NOP58: variants seen among roughly 807,000 people sequenced by gnomAD.
NOP58 encodes the protein NOP58 ribonucleoprotein, also known as nucleolar protein 58.
NOP58 carries 44 observed loss-of-function variants against 71.2 expected under a neutral mutation model. That is an observed-to-expected ratio of 0.62 (90% CI 0.49 to 0.79). The LOEUF is 0.79. NOP58 is among the 30% of genes least tolerant of loss of function. The pLI, the probability that NOP58 is intolerant of heterozygous loss-of-function variation, is 0.00. For synonymous variants in NOP58, 228 were observed against 200.3 expected, an observed-to-expected ratio of 1.14 and a Z score of -1.17; for missense variants, 538 against 620.2, an observed-to-expected ratio of 0.87 and a Z score of 1.41.
intron 2 of NOP58, among the ~76,000 whole-genome samples, chr2:202,277,061 G>A (rs1688606891): frequency 6.6e-6 from 1 of 152,222 alleles, no homozygotes; most frequent in East Asian, 1.9e-4. Flanking sequence ...GCCAAGGCGG[G>A]CGGATGATGA....
chr2:202,272,961 C>T (rs1374877581), intron 1 of NOP58, among the ~76,000 whole-genome samples: 2 of 152,018 alleles, frequency 1.3e-5, no homozygotes, highest in Admixed American at 6.6e-5. Context: ...GGTGAAACCC[C>T]ATCTCTACTA....
chr2:202,275,406 C>T (rs1034356962), intron 2 of NOP58: 1 of 447,150 alleles, frequency 2.2e-6, no homozygotes, highest in Non-Finnish European at 4.1e-6. Context: ...CCCTTACCCA[C>T]AGGGATTATG....
intron 4 of NOP58, among the ~76,000 whole-genome samples, chr2:202,283,464 C>T (rs1305108605): frequency 2.2e-5 from 3 of 139,370 alleles, no homozygotes; most frequent in Non-Finnish European, 3.0e-5. Flanking sequence ...TTTTTTAAGA[C>T]GGAGTCTCAC....
Position 202,295,642 on chromosome 2 carries a change from G to T in NOP58, c.908-32G>T, listed in dbSNP as rs762514406. 1.2e-5 allele frequency: 18 copies of T among 1,506,846 alleles called. No individual in the cohort carries two copies. The African/African-American group carries it at 2.2e-4, about 19-fold the overall frequency. 93.3% of individuals were successfully genotyped at this position (1,506,846 alleles called of 1,614,324 possible). A position where few individuals can be genotyped will look rare whatever the true frequency, so the allele number is the denominator to read the frequency against. On this transcript the variant is annotated intron_variant, in intron 9 of 14. Coordinates refer to ENST00000264279, the MANE Select transcript of NOP58 (RefSeq NM_015934.5). ...TACGTGGAACATTCATATATTTGGA[G>T]GTGCATTCTTTGTAACTTTTTTCTT...
chr2:202,279,841 A>G (rs1444957013), intron 3 of NOP58, among the ~76,000 whole-genome samples: 2 of 152,190 alleles, frequency 1.3e-5, no homozygotes, highest in Non-Finnish European at 2.9e-5. Flanking sequence ...ACAAAATGCC[A>G]TAGTAGTTGA....
chr2:202,296,355 C>T (rs1021037645), intron 10 of NOP58, among the ~76,000 whole-genome samples: 1 of 152,078 alleles, frequency 6.6e-6, no homozygotes, highest in Non-Finnish European at 1.5e-5. Flanking sequence ...ATGCACGTGC[C>T]ACCACGCCCG....
At chr2:202,300,428 G>T (rs1285018551) in intron 13 of NOP58, 61 bp downstream of exon 13, 2 of 1,414,374 alleles carry the variant, frequency 1.4e-6, no homozygotes, top group Non-Finnish European at 1.9e-6. Context: ...TGTGGATTTT[G>T]TGAGTCTTAA....
In NOP58 at chr2:202,265,897, C is replaced by G. The variant is rs376417516; in HGVS notation, c.-45C>G. 8 of 1,613,508 alleles carry G rather than the reference C, an allele frequency of 5.0e-6. No homozygotes were observed. The highest frequency in any genetic ancestry group is 1.6e-4 in the Middle Eastern group (1 of 6,084). ...CGTAGTCGGTGTTTTTGAACTGACT[C>G]TACAGCTTCTGGCAGGCCGTGCGGC... On this transcript the variant is annotated 5_prime_UTR_variant, in exon 1 of 15. Transcript: ENST00000264279.
intron 1 of NOP58, among the ~76,000 whole-genome samples, chr2:202,266,461 C>G (rs1247916339): frequency 6.6e-6 from 1 of 151,874 alleles, no homozygotes; most frequent in Non-Finnish European, 1.5e-5. Flanking sequence ...CACCACCACG[C>G]CTGGCTAGTT....
chr2:202,280,299 AAT>A (rs1688678816), intron 3 of NOP58, among the ~76,000 whole-genome samples: 1 of 152,170 alleles, frequency 6.6e-6, no homozygotes, highest in African/African-American at 2.4e-5. Flanking sequence ...CAGCCTGGGC[AAT>A]ATAGCAAGAC....
rs764419285 is a variant in NOP58 at position 202,265,792 on chromosome 2, G to A, written c.-150G>A. On this transcript the variant is annotated 5_prime_UTR_variant, in exon 1 of 15. Coordinates refer to ENST00000264279, the MANE Select transcript of NOP58 (RefSeq NM_015934.5). ...TTCCAGTACAGCGTGGAGGGTTTAG[G>A]CAGCGTGTTCTGATTCTTTGCGGGA... The A allele has an allele frequency of 3.9e-6, 3 of 773,534 alleles. No individual in the cohort carries two copies. Among genetic ancestry groups the A allele is most frequent in the Non-Finnish European group, 6.6e-6 (3 of 455,978 alleles). The allele number at this position is 773,534 out of a possible 1,614,324, so 47.9% of individuals were successfully genotyped here. A position where few individuals can be genotyped will look rare whatever the true frequency, so the allele number is the denominator to read the frequency against.
At chr2:202,289,121 A>G (rs972466259) in intron 6 of NOP58, among the ~76,000 whole-genome samples, 2 of 151,976 alleles carry the variant, frequency 1.3e-5, no homozygotes, top group Admixed American at 1.3e-4. Context: ...CTCTGTCTCC[A>G]AAAAAAGAAA....
In NOP58 at chr2:202,282,480, C is replaced by T; in HGVS notation, c.297+8C>T. 3.1e-6 allele frequency: 5 copies of T among 1,603,358 alleles called. No individual in the cohort carries two copies. The highest frequency in any genetic ancestry group is 4.2e-6 in the Non-Finnish European group (5 of 1,177,508). ...CTAGGAGGGGTCATAAAGGTAAAGT[C>T]ACGATATTTTTGGTCATGCCTGCTA... On this transcript the variant is annotated splice_region_variant and intron_variant, in intron 4 of 14. Coordinates refer to ENST00000264279, the MANE Select transcript of NOP58 (RefSeq NM_015934.5).
At chr2:202,272,279 A>G (rs1383766449) in intron 1 of NOP58, among the ~76,000 whole-genome samples, 1 of 150,574 alleles carries the variant, frequency 6.6e-6, no homozygotes, top group African/African-American at 2.4e-5. Flanking sequence ...CAGCCTCCCG[A>G]GTAGCTGGAA....
At chr2:202,289,170 A>T (rs1688845218) in intron 6 of NOP58, among the ~76,000 whole-genome samples, 1 of 152,138 alleles carries the variant, frequency 6.6e-6, no homozygotes, top group Non-Finnish European at 1.5e-5. Flanking sequence ...TCCTAGATTT[A>T]TACCCAAAAG....
At chr2:202,296,295 A>T (rs1688991956) in intron 10 of NOP58, among the ~76,000 whole-genome samples, 1 of 151,996 alleles carries the variant, frequency 6.6e-6, no homozygotes, top group Non-Finnish European at 1.5e-5. Flanking sequence ...TCCCTGGTTC[A>T]AACGATTCTC....
chr2:202,276,522 A>G (rs774806905), intron 2 of NOP58: 145 of 510,538 alleles, frequency 2.8e-4, no homozygotes, highest in Non-Finnish European at 1.1e-4. Flanking sequence ...CGATGAATCA[A>G]CTATATGTTT....
intron 3 of NOP58, among the ~76,000 whole-genome samples, chr2:202,279,964 T>C (rs988258932): frequency 1.3e-5 from 2 of 152,174 alleles, no homozygotes; most frequent in Admixed American, 6.6e-5. Context: ...TTATAATAAA[T>C]ATTTTGGGGA....
intron 5 of NOP58, among the ~76,000 whole-genome samples, chr2:202,287,029 A>G (rs548913088): frequency 4.6e-5 from 7 of 150,648 alleles, no homozygotes; most frequent in Admixed American, 2.0e-4. Context: ...ATAAAGCTTA[A>G]TATGTGCTAT....
Sources: allele counts gnomAD v4.1 joint callset (sites outside exome capture counted in the v4.1 genomes callset), GRCh38; gene constraint gnomAD v4.1.1; transcripts MANE v1.5; gene names NCBI Gene and HGNC (gene_info 2026-07-23, HGNC 2026-07-21).